Variants in KCNK10 observed in about 807,000 individuals in gnomAD.
KCNK10 encodes the protein potassium two pore domain channel subfamily K member 10, also known as potassium channel subfamily K member 10.
In KCNK10, 25 loss-of-function variants were observed where a neutral mutation model predicts 47.7. That is an observed-to-expected ratio of 0.52 (90% CI 0.38 to 0.73). The LOEUF (loss-of-function observed/expected upper bound fraction) is 0.73. Among genes scored for constraint, KCNK10 ranks in the 30% least tolerant of loss-of-function variants. KCNK10 has a pLI of 0.00. For synonymous variants in KCNK10, 303 were observed against 285.6 expected (o/e 1.06, Z -0.61); for missense variants, 563 against 714.5 (o/e 0.79, Z 2.42).
At chr14:88,317,743 G>A (rs1329604468) in intron 1 of KCNK10, among the ~76,000 whole-genome samples, 6 of 152,142 alleles carry the variant, frequency 3.9e-5, no homozygotes, top group Non-Finnish European at 8.8e-5. Flanking sequence ...CAAAAATAGG[G>A]TTTTTTAAAG....
intron 4 of KCNK10, among the ~76,000 whole-genome samples, chr14:88,215,011 A>G (rs1595084840): frequency 1.3e-5 from 2 of 152,322 alleles, no homozygotes; most frequent in East Asian, 3.9e-4. Flanking sequence ...TAGTTCTGTC[A>G]TTTATGGGCT....
At chr14:88,232,017 T>G (rs943763453) in intron 3 of KCNK10, among the ~76,000 whole-genome samples, 3 of 152,206 alleles carry the variant, frequency 2.0e-5, no homozygotes, top group African/African-American at 7.2e-5. Context: ...CATGAGAGCC[T>G]TTCTGGAAAG....
intron 3 of KCNK10, among the ~76,000 whole-genome samples, chr14:88,239,081 A>G (rs1463435732): frequency 2.0e-5 from 3 of 152,248 alleles, no homozygotes; most frequent in African/African-American, 7.2e-5. Flanking sequence ...CAAAAATGAA[A>G]AAGGTTGAAA....
At chr14:88,318,084 C>T (rs1340283177) in intron 1 of KCNK10, among the ~76,000 whole-genome samples, 4 of 152,236 alleles carry the variant, frequency 2.6e-5, no homozygotes, top group East Asian at 1.9e-4. Context: ...AGGAAAACAG[C>T]GCACTGGAGG....
chr14:88,288,488 C>G (rs895881269), intron 1 of KCNK10, among the ~76,000 whole-genome samples: 2 of 152,150 alleles, frequency 1.3e-5, no homozygotes, highest in African/African-American at 4.8e-5. Context: ...TGATTTCATT[C>G]CACCACTTCT....
chr14:88,277,213 G>GAA (rs35748130), intron 1 of KCNK10, among the ~76,000 whole-genome samples: 20 of 144,762 alleles, frequency 1.4e-4, no homozygotes, highest in African/African-American at 5.0e-4. Flanking sequence ...AACTTAAATG[G>GAA]AAAAAAAAAA....
chr14:88,281,072 G>C (rs912952059), intron 1 of KCNK10, among the ~76,000 whole-genome samples: 16 of 151,970 alleles, frequency 1.1e-4, no homozygotes, highest in Non-Finnish European at 4.4e-5. Flanking sequence ...AGGTCTGACA[G>C]TAAAGCCTCT....
chr14:88,199,815 G>A (rs1351170974), intron 4 of KCNK10, among the ~76,000 whole-genome samples: 1 of 152,170 alleles, frequency 6.6e-6, no homozygotes, highest in Non-Finnish European at 1.5e-5. Context: ...AAACAGGTAT[G>A]CATTTTCTGT....
chr14:88,272,578 G>C (rs1434844543), intron 1 of KCNK10, among the ~76,000 whole-genome samples: 1 of 152,130 alleles, frequency 6.6e-6, no homozygotes, highest in East Asian at 1.9e-4. Flanking sequence ...AGGGTGTGAA[G>C]ATGGCTACAC....
intron 3 of KCNK10, among the ~76,000 whole-genome samples, chr14:88,235,934 T>C (rs1304185159): frequency 6.6e-6 from 1 of 152,044 alleles, no homozygotes; most frequent in Admixed American, 6.6e-5. Flanking sequence ...CCTATAAAAG[T>C]GGGGAAAAAA....
chr14:88,197,405 C>T, intron 4 of KCNK10, among the ~76,000 whole-genome samples: 1 of 151,520 alleles, frequency 6.6e-6, no homozygotes. Context: ...AACCCCAACT[C>T]TACTAAAAAA....
At chr14:88,279,876 C>T (rs548079788) in intron 1 of KCNK10, among the ~76,000 whole-genome samples, 124 of 152,254 alleles carry the variant, frequency 8.1e-4, no homozygotes, top group Admixed American at 2.1e-3. Context: ...CTCATGATAA[C>T]GAATAAGTCT....
chr14:88,230,522 A>G (rs1886131581), intron 3 of KCNK10, among the ~76,000 whole-genome samples: 1 of 152,246 alleles, frequency 6.6e-6, no homozygotes, highest in Non-Finnish European at 1.5e-5. Context: ...TTTACGTGCC[A>G]AAGTCAAATC....
At chr14:88,239,202 T>A (rs373932) in intron 3 of KCNK10, among the ~76,000 whole-genome samples, 56,468 of 143,294 alleles carry the variant, frequency 0.39, 11,136 homozygotes, top group Middle Eastern at 0.46. Flanking sequence ...ACCTTAAATT[T>A]GTTTAAAAAA....
At chr14:88,244,731 G>C (rs1413929979) in intron 2 of KCNK10, among the ~76,000 whole-genome samples, 2 of 152,232 alleles carry the variant, frequency 1.3e-5, no homozygotes, top group Admixed American at 6.5e-5. Context: ...CAGCCCATTA[G>C]AATGTATGAG....
chr14:88,278,612 A>G (rs1242843524), intron 1 of KCNK10, among the ~76,000 whole-genome samples: 1 of 152,062 alleles, frequency 6.6e-6, no homozygotes, highest in Non-Finnish European at 1.5e-5. Flanking sequence ...CAAGAGAAAA[A>G]CCGTTTTCCT....
At position 88,214,756 on chromosome 14, in the gene KCNK10, A is replaced by G. The variant is rs571565841; in HGVS notation, c.681+12619T>C. Among the ~76,000 whole-genome samples, 3 of 152,356 alleles carry G rather than the reference A, an allele frequency of 2.0e-5. No individual in the cohort carries two copies. In the South Asian group the frequency reaches 6.2e-4, roughly 32 times the overall value. ...GAACCAGAGGCTATGATGCAATTCA[A>G]CACACTGAGAGAGAGCATGAAGTCA... is the stretch of plus-strand genomic sequence containing the variant. On this transcript the variant is annotated intron_variant, in intron 4 of 6. Coordinates refer to ENST00000319231, the MANE Select transcript of KCNK10 (RefSeq NM_138317.3).
intron 5 of KCNK10, 123 bp from the exon 6 acceptor site, chr14:88,188,232 G>T: frequency 8.0e-7 from 1 of 1,245,876 alleles, no homozygotes; most frequent in Non-Finnish European, 1.2e-6. Flanking sequence ...TGTTAGGTTT[G>T]CTGTGTACAA....
chr14:88,283,895 A>G (rs548516405), intron 1 of KCNK10, among the ~76,000 whole-genome samples: 1 of 152,236 alleles, frequency 6.6e-6, no homozygotes, highest in African/African-American at 2.4e-5. Context: ...GCCTGGTGAC[A>G]GAGCGAGACT....
Sources: gnomAD v4.1 joint callset for allele counts (sites outside exome capture counted in the v4.1 genomes callset) on GRCh38, gnomAD v4.1.1 for gene constraint, MANE v1.5 for transcripts, NCBI Gene and HGNC (gene_info 2026-07-23, HGNC 2026-07-21) for gene names.